The following RASA4 variants were observed in gnomAD, a reference collection of about 807,000 sequenced individuals.
RASA4 encodes RAS p21 protein activator 4, also known as ras GTPase-activating protein 4.
RASA4 carries 5 observed loss-of-function variants against 24.0 expected under a neutral mutation model. The observed-to-expected ratio is 0.21, with a 90% CI of 0.11 to 0.44. The LOEUF is 0.44. RASA4 is among the 20% of genes least tolerant of loss of function. The probability of loss-of-function intolerance (pLI) is 0.99; values close to 1 mark genes in which losing one functional copy is unlikely to be tolerated. For missense variants in RASA4, 38 were observed against 293.0 expected, an observed-to-expected ratio of 0.13 and a Z score of 6.35; for synonymous variants, 9 against 132.7, an observed-to-expected ratio of 0.07 and a Z score of 6.41.
In RASA4 at chr7:102,605,839, C is replaced by T. The variant is rs1790619805; in HGVS notation, c.428+19G>A. 3 of 1,553,062 alleles carry T rather than the reference C, an allele frequency of 1.9e-6. No homozygotes were observed. The South Asian group carries it at 3.5e-5, about 18-fold the overall frequency. ...GTTGCAGGGGACCCACTGCCCGCCC[C>T]CAGGCCCCTGAGTCTCACCTGGCCT... On this transcript the variant is annotated intron_variant, in intron 5 of 20. Coordinates refer to ENST00000262940, the MANE Select transcript of RASA4 (RefSeq NM_006989.6).
rs1789670359 is a variant in RASA4, at chr7:102,580,992, C to T, written c.*1779G>A. ...GGTCCCAGTTTCGTGATCTCTTCTTCCCTTTCCTTCCTGGTAGCTTAAAAA... is the reference window on the plus strand; with the variant it reads ...GGTCCCAGTTTCGTGATCTCTTCTTTCCTTTCCTTCCTGGTAGCTTAAAAA... On this transcript the variant is annotated 3_prime_UTR_variant, in exon 21 of 21. Transcript: ENST00000262940. The T allele has an allele frequency of 1.1e-5, 1 of 90,698 alleles. No individual in the cohort carries two copies. The highest frequency in any genetic ancestry group is 1.3e-4 in the Admixed American group (1 of 7,780). 5.6% of individuals were successfully genotyped at this position (90,698 alleles called of 1,614,324 possible).
chr7:102,606,002 C>G lies in RASA4; in HGVS notation c.299-15G>C. 6.2e-7 allele frequency: 1 copy of G among 1,609,366 alleles called. No individual in the cohort carries two copies. The highest frequency in any genetic ancestry group is 2.2e-5 in the East Asian group (1 of 44,800). On this transcript the variant is annotated splice_polypyrimidine_tract_variant and intron_variant, in intron 4 of 20. Coordinates refer to ENST00000262940, the MANE Select transcript of RASA4 (RefSeq NM_006989.6). ...CCCGCTGAAACCTGTGGGGTCAGCT[C>G]AGCCAGGGACCCGGCCCTGAACCCC...
chr7:102,610,682 GTAGT>G (rs1405638894), intron 2 of RASA4, among the ~76,000 whole-genome samples: 3 of 152,012 alleles, frequency 2.0e-5, no homozygotes, highest in African/African-American at 7.2e-5. Flanking sequence ...CTTGGCCAGG[GTAGT>G]TAGTCTCCCT....
intron 16 of RASA4, among the ~76,000 whole-genome samples, chr7:102,590,864 C>T (rs1161080787): frequency 4.3e-5 from 6 of 140,122 alleles, no homozygotes; most frequent in East Asian, 4.3e-4. Context: ...CGCTTGAACC[C>T]GGGAGGCGGA....
intron 1 of RASA4, 55 bp downstream of exon 1, chr7:102,616,569 TG>T (rs1160134871): frequency 3.9e-6 from 6 of 1,556,466 alleles, no homozygotes; most frequent in Non-Finnish European, 4.4e-6. Context: ...TCAGGCGTCC[TG>T]GGGGGCAGTG....
chr7:102,612,109 G>C (rs199491082), intron 1 of RASA4: 1,786 of 151,824 alleles, frequency 0.012, 8 homozygotes, highest in South Asian at 0.044. Context: ...CCCCAACACC[G>C]ACACCGCTGT....
intron 2 of RASA4, among the ~76,000 whole-genome samples, chr7:102,610,686 T>A (rs1790806265): frequency 6.6e-6 from 1 of 151,870 alleles, no homozygotes. Flanking sequence ...GCCAGGGTAG[T>A]TAGTCTCCCT....
At chr7:102,603,862 C>CA (rs1790485596) in intron 5 of RASA4, among the ~76,000 whole-genome samples, 2 of 111,594 alleles carry the variant, frequency 1.8e-5, no homozygotes, top group Non-Finnish European at 4.0e-5. Context: ...AAAAAAAAAC[C>CA]ACCAAAAAAA....
chr7:102,603,645 C>A (rs1790468730), intron 5 of RASA4, among the ~76,000 whole-genome samples: 1 of 152,266 alleles, frequency 6.6e-6, no homozygotes, highest in African/African-American at 2.4e-5. Flanking sequence ...CTCATACCTG[C>A]CTTTCTTCCC....
At chr7:102,588,960 T>TTTGC in intron 17 of RASA4, among the ~76,000 whole-genome samples, 1 of 13,212 alleles carries the variant, frequency 7.6e-5, no homozygotes, top group African/African-American at 2.3e-4. Context: ...TGCTTTTTTT[T>TTTGC]TTTTTTTTTT....
At chr7:102,585,848 TG>T (rs1381421532) in intron 18 of RASA4, among the ~76,000 whole-genome samples, 5 of 129,988 alleles carry the variant, frequency 3.8e-5, no homozygotes, top group African/African-American at 1.1e-4. Context: ...TTTTTTTTTT[TG>T]TTTTTTTGTT....
intron 4 of RASA4, among the ~76,000 whole-genome samples, chr7:102,607,825 GT>G (rs879672707): frequency 0.22 from 9,881 of 45,218 alleles, 350 homozygotes; most frequent in Non-Finnish European, 0.32. Context: ...TAGAGACAGA[GT>G]TTTGCCATGT....
In RASA4 at chr7:102,591,281, C is replaced by A. The variant is rs1476334501; in HGVS notation, c.1831-985G>T. The stretch of plus-strand genomic sequence containing the variant: ...CTACAGCCTGGGTGACAGAGCAAGA[C>A]CCTGTCTCAAAAAATAATTATCATC... On this transcript the variant is annotated intron_variant, in intron 16 of 20. Coordinates refer to ENST00000262940, the MANE Select transcript of RASA4 (RefSeq NM_006989.6). Among the ~76,000 whole-genome samples, 29 of 52,462 alleles carry A rather than the reference C, an allele frequency of 5.5e-4. No individual in the cohort carries two copies. The South Asian group carries it at 0.011, about 19-fold the overall frequency. The allele number at this position is 52,462 out of a possible 152,430, so 34.4% of individuals were successfully genotyped here.
intron 11 of RASA4, among the ~76,000 whole-genome samples, 188 bp downstream of exon 11, chr7:102,595,117 G>A (rs1790130811): frequency 1.3e-5 from 1 of 76,662 alleles, no homozygotes; most frequent in South Asian, 6.3e-4. Flanking sequence ...TAAGTGATCC[G>A]CCCGCCTCAG....
intron 5 of RASA4, among the ~76,000 whole-genome samples, chr7:102,603,838 C>CA (rs148681177): frequency 0.018 from 919 of 50,282 alleles, 17 homozygotes; most frequent in Middle Eastern, 0.062. Flanking sequence ...CAGACTGCCT[C>CA]AAAAAAAAAA....
chr7:102,605,873 G>T lies in RASA4; in HGVS notation c.413C>A (p.Ser138Tyr). The T allele has an allele frequency of 1.9e-6, 3 of 1,569,996 alleles. No homozygotes were observed. The highest frequency in any genetic ancestry group is 4.6e-5 in the East Asian group (2 of 43,206). Residue 138 changes from serine to tyrosine, a missense_variant, in exon 5 of 21, where the codon TCT (serine) becomes TAT (tyrosine). Physicochemically the swap from Ser to Tyr is moderately radical, Grantham distance 144 (BLOSUM62 -2). Coordinates refer to ENST00000262940, the MANE Select transcript of RASA4 (RefSeq NM_006989.6). ...TGAGTCTCACCTGGCCTCCAGCACA[G>T]AGCAGCGTAGCCGGCAGGCCCGGGC... ...PGARACRLRC[S>Y]VLEARDLAPK...
intron 4 of RASA4, among the ~76,000 whole-genome samples, chr7:102,608,276 T>TA (rs1554347305): frequency 2.8e-4 from 18 of 63,556 alleles, no homozygotes; most frequent in East Asian, 1.2e-3. Flanking sequence ...GCCTTTTTTT[T>TA]AAAAAAAAAC....
At chr7:102,587,388 TA>T (rs1789805397) in intron 18 of RASA4, 1 of 375,316 alleles carries the variant, frequency 2.7e-6, no homozygotes, top group Non-Finnish European at 4.8e-6. Context: ...AATGGGATTC[TA>T]ACGTGTTTTC....
intron 8 of RASA4, among the ~76,000 whole-genome samples, chr7:102,597,485 G>T (rs1233693978): frequency 4.3e-5 from 2 of 46,518 alleles, no homozygotes; most frequent in Non-Finnish European, 1.2e-4. Context: ...GAGTGCAGTG[G>T]CGCGATCTCG....
Sources: gnomAD v4.1 joint callset for allele counts (sites outside exome capture counted in the v4.1 genomes callset) on GRCh38, gnomAD v4.1.1 for gene constraint, MANE v1.5 for transcripts, NCBI Gene and HGNC (gene_info 2026-07-23, HGNC 2026-07-21) for gene names.